ALG9: variants seen among roughly 807,000 people sequenced by gnomAD.
ALG9 encodes alpha-1,2-mannosyltransferase ALG9.
In ALG9, 55 loss-of-function variants were observed where a neutral mutation model predicts 81.8. The ratio of observed to expected loss-of-function variants is 0.67; its 90% CI spans 0.54 to 0.84. ALG9 has a LOEUF of 0.84. ALG9 is among the 40% of genes least tolerant of loss of function. The pLI is 0.00. For synonymous variants in ALG9, 278 were observed against 274.3 expected (o/e 1.01, Z -0.13); for missense variants, 629 against 745.0 (o/e 0.84, Z 1.81).
chr11:111,844,043 G>A (rs909597617), intron 9 of ALG9, among the ~76,000 whole-genome samples: 8 of 151,966 alleles, frequency 5.3e-5, no homozygotes, highest in African/African-American at 1.2e-4. Flanking sequence ...TGCTCTTGTC[G>A]CTCAGCTGGA....
At chr11:111,848,913 C>T (rs1555133891) in intron 8 of ALG9, among the ~76,000 whole-genome samples, 4 of 152,178 alleles carry the variant, frequency 2.6e-5, no homozygotes, top group Non-Finnish European at 1.5e-5. Flanking sequence ...CCTATGATTC[C>T]CTATCTTTCC....
chr11:111,795,680 C>T (rs1948167888), intron 14 of ALG9, among the ~76,000 whole-genome samples: 1 of 152,230 alleles, frequency 6.6e-6, no homozygotes, highest in Non-Finnish European at 1.5e-5. Context: ...TTTACTGAGG[C>T]ACAAACTGGA....
At chr11:111,796,073 T>C (rs1948240591) in intron 14 of ALG9, among the ~76,000 whole-genome samples, 1 of 152,244 alleles carries the variant, frequency 6.6e-6, no homozygotes, top group Non-Finnish European at 1.5e-5. Flanking sequence ...CAAATGATTC[T>C]GGTAAGCTTT....
intron 6 of ALG9, among the ~76,000 whole-genome samples, chr11:111,855,889 A>G (rs555603951): frequency 4.4e-4 from 67 of 152,310 alleles, no homozygotes; most frequent in Admixed American, 9.1e-4. Context: ...AAAGGCACTT[A>G]AGAAATTTTA....
intron 13 of ALG9, among the ~76,000 whole-genome samples, chr11:111,821,038 G>A (rs1952268390): frequency 6.6e-6 from 1 of 152,132 alleles, no homozygotes; most frequent in Non-Finnish European, 1.5e-5. Context: ...TGAAACTGCA[G>A]TGAGCTATGA....
At chr11:111,806,932 C>A (rs1192744926) in intron 14 of ALG9, among the ~76,000 whole-genome samples, 1 of 152,098 alleles carries the variant, frequency 6.6e-6, no homozygotes, top group Non-Finnish European at 1.5e-5. Context: ...ATCAAAATCC[C>A]TAGGATCATC....
rs528711008 is a variant in ALG9 at position 111,855,530 on chromosome 11, A to G, written c.702-1794T>C. On this transcript the variant is annotated intron_variant, in intron 6 of 14. Coordinates refer to ENST00000616540, the MANE Select transcript of ALG9 (RefSeq NM_024740.2). ...CAAAAGATATTCAGGAGATACAACC[A>G]ATTAACACTGATGGGAAAGAGAGAA... is the stretch of plus-strand genomic sequence containing the variant. 5.9e-5 allele frequency among the ~76,000 whole-genome samples: 9 copies of G among 152,332 alleles called. No individual in the cohort carries two copies. In the East Asian group the frequency reaches 1.7e-3, roughly 29 times the overall value.
At chr11:111,769,241 G>GTTGA in the ALG9 span, 3 of 149,828 alleles carry the variant, frequency 2.0e-5, no homozygotes, top group African/African-American at 7.4e-5. Context: ...AGCACATGAG[G>GTTGA]TTGAGGCTGC....
chr11:111,849,172 T>A (rs1441923979), intron 8 of ALG9, among the ~76,000 whole-genome samples: 1 of 152,078 alleles, frequency 6.6e-6, no homozygotes, highest in Non-Finnish European at 1.5e-5. Context: ...TGCCTCAGCC[T>A]CCTGAGTAGC....
At chr11:111,858,002 G>C in intron 5 of ALG9, 2 of 397,422 alleles carry the variant, frequency 5.0e-6, no homozygotes, top group Non-Finnish European at 9.5e-6. Context: ...GCAGTGGTGG[G>C]ATCTCAGCTC....
chr11:111,850,706 C>CAAAAAAAAAAAAAAAAAAAAAAAAAAAAA (rs782114013), intron 8 of ALG9, among the ~76,000 whole-genome samples: 15 of 66,668 alleles, frequency 2.2e-4, no homozygotes, highest in African/African-American at 6.4e-4. Flanking sequence ...GATACTGTCT[C>CAAAAAAAAAAAAAAAAAAAAAAAAAAAAA]AAAAAAAAAA....
chr11:111,789,424 G>A (rs1555068367), intron 14 of ALG9, among the ~76,000 whole-genome samples: 1 of 151,192 alleles, frequency 6.6e-6, no homozygotes, highest in East Asian at 2.0e-4. Context: ...ATCTTTTGTA[G>A]AGATGGGGTT....
intron 13 of ALG9, among the ~76,000 whole-genome samples, chr11:111,834,504 T>A (rs1223526978): frequency 1.3e-5 from 2 of 152,178 alleles, no homozygotes; most frequent in African/African-American, 2.4e-5. Flanking sequence ...TAATATCAAA[T>A]ATCATAATTC....
chr11:111,807,446 ACT>A (rs1950089910), intron 14 of ALG9, among the ~76,000 whole-genome samples: 1 of 151,870 alleles, frequency 6.6e-6, no homozygotes, highest in Non-Finnish European at 1.5e-5. Context: ...ATTGAGGCCG[ACT>A]CTGACCACCC....
intron 12 of ALG9, among the ~76,000 whole-genome samples, chr11:111,836,902 AC>A (rs1437427492): frequency 6.6e-6 from 1 of 152,174 alleles, no homozygotes; most frequent in Admixed American, 6.5e-5. Flanking sequence ...ACTCATCTTA[AC>A]CAGATTTCCC....
At chr11:111,847,118 A>C (rs1555130884) in intron 8 of ALG9, among the ~76,000 whole-genome samples, 1 of 152,130 alleles carries the variant, frequency 6.6e-6, no homozygotes, top group Non-Finnish European at 1.5e-5. Context: ...GTAGGAACTA[A>C]ATCATAGTAA....
In ALG9 at chr11:111,861,579, C is replaced by G. The variant is rs374474208; in HGVS notation, c.477-944G>C. On this transcript the variant is annotated intron_variant, in intron 4 of 14. Coordinates refer to ENST00000616540, the MANE Select transcript of ALG9 (RefSeq NM_024740.2). ...CTTGAACTCCAGTGTTCAATGGAAC[C>G]TCCTGCCTCAGCCTCCTGAATGGCT... Among the ~76,000 whole-genome samples the G allele has an allele frequency of 4.6e-5, 7 of 152,250 alleles. No individual in the cohort carries two copies. In the South Asian group the frequency reaches 8.3e-4, roughly 18 times the overall value.
rs782036494 is a variant in ALG9, at chr11:111,857,633, T to G, written c.670A>C (p.Ile224Leu). ...GCTGCACTGAATGGCCAGCCTAAGA[T>G]AGCCCCAGCTGCTACTCCCAGCACA... ...IAVLGVAAGA[I>L]LGWPFSAALG... Residue 224 changes from isoleucine to leucine, a missense_variant, in exon 6 of 15, where the codon ATC becomes CTC. This residue lies in a region of ALG9 where 344 missense variants were observed against 390.5 expected (regional missense o/e 0.88). Transcript: ENST00000616540. 6.2e-6 allele frequency: 10 copies of G among 1,614,056 alleles called. No homozygotes were observed. Among genetic ancestry groups the G allele is most frequent in the South Asian group, 1.1e-5 (1 of 91,094 alleles).
chr11:111,774,070 A>G, the ALG9 span, among the ~76,000 whole-genome samples: 1 of 63,982 alleles, frequency 1.6e-5, no homozygotes, highest in East Asian at 3.4e-4. Context: ...ATATCTTATT[A>G]AAAAAAAAAA....
Sources: allele counts gnomAD v4.1 joint callset (sites outside exome capture counted in the v4.1 genomes callset), GRCh38; gene constraint gnomAD v4.1.1; regional missense constraint gnomAD v4.1.1; transcripts MANE v1.5; gene names NCBI Gene and HGNC (gene_info 2026-07-23, HGNC 2026-07-21).